The following DMTN variants were observed in gnomAD, a reference collection of about 807,000 sequenced individuals.
The protein encoded by DMTN is dematin.
A neutral mutation model predicts 59.4 loss-of-function variants in DMTN; 27 were observed. The ratio of observed to expected loss-of-function variants is 0.45; its 90% confidence interval spans 0.33 to 0.63. The LOEUF (loss-of-function observed/expected upper bound fraction) is 0.63. Ranked by LOEUF, DMTN falls within the 20% of genes least tolerant of loss-of-function variation. DMTN has a pLI of 0.02. For missense variants in DMTN, 451 were observed against 528.9 expected, an observed-to-expected ratio of 0.85 and a Z score of 1.45; for synonymous variants, 221 against 203.7, an observed-to-expected ratio of 1.08 and a Z score of -0.72.
At chr8:22,065,270 G>A (rs866765007) in intron 1 of DMTN, among the ~76,000 whole-genome samples, 2 of 152,168 alleles carry the variant, frequency 1.3e-5, no homozygotes, top group South Asian at 4.1e-4. Flanking sequence ...CTGACCTCAA[G>A]CCATCCTCTC....
chr8:22,058,220 G>A lies in DMTN; in HGVS notation c.-172+1084G>A, dbSNP rs898877545. Among the ~76,000 whole-genome samples the A allele has an allele frequency of 6.6e-6, 1 of 152,148 alleles. No individual in the cohort carries two copies. Among genetic ancestry groups the A allele is most frequent in the Non-Finnish European group, 1.5e-5 (1 of 68,034 alleles). On this transcript the variant is annotated intron_variant, in intron 1 of 15. Coordinates refer to ENST00000358242, the MANE Select transcript of DMTN (RefSeq NM_001387751.1). The surrounding 1 kb of genome is among the most constrained non-coding windows in gnomAD (Gnocchi z 4.3). Reference sequence around the variant, plus strand: ...CTGTCCATCTTGTGTCCGTGCTGCCGGCCTCTCTGTGGTCAGGCGTTAGAC... The same window carrying A: ...CTGTCCATCTTGTGTCCGTGCTGCCAGCCTCTCTGTGGTCAGGCGTTAGAC...
intron 10 of DMTN, among the ~76,000 whole-genome samples, chr8:22,075,322 T>C (rs1262598768): frequency 1.4e-5 from 2 of 139,330 alleles, no homozygotes; most frequent in Admixed American, 7.1e-5. Context: ...CTCCCCCTTC[T>C]TCTTCTTCTT....
chr8:22,082,151 A>C lies in DMTN; in HGVS notation c.*688A>C, dbSNP rs1432818799. The C allele has an allele frequency of 2.0e-5, 9 of 456,592 alleles. No homozygotes were observed. The highest frequency in any genetic ancestry group is 4.0e-5 in the Non-Finnish European group (9 of 226,908). The allele number at this position is 456,592 out of a possible 1,614,324, so 28.3% of individuals were successfully genotyped here. A position where few individuals can be genotyped will look rare whatever the true frequency, so the allele number is the denominator to read the frequency against. On this transcript the variant is annotated 3_prime_UTR_variant, in exon 16 of 16. Transcript: ENST00000358242. ...CAGGCCACGAAATGGGAATTCCAGC[A>C]CTAAGCCAGGCACCGGGCAGAAGCT...
chr8:22,049,507 C>A (rs1801113492), upstream of DMTN, among the ~76,000 whole-genome samples: 1 of 151,802 alleles, frequency 6.6e-6, no homozygotes. Context: ...GGCCATAAAA[C>A]CCGCCTCTTC....
At chr8:22,078,801 T>TTTTTTTG (rs1554561373) in intron 10 of DMTN, among the ~76,000 whole-genome samples, 2 of 118,264 alleles carry the variant, frequency 1.7e-5, no homozygotes, top group Admixed American at 8.9e-5. Context: ...TCAGACTGTT[T>TTTTTTTG]TTTTTTTTTT....
At position 22,069,021 on chromosome 8, in the gene DMTN, G is replaced by A. The variant is rs1313446273; in HGVS notation, c.255G>A (p.Ser85=). 7 of 1,612,584 alleles carry A rather than the reference G, an allele frequency of 4.3e-6. No homozygotes were observed. The highest frequency in any genetic ancestry group is 2.2e-5 in the East Asian group (1 of 44,726). Reference sequence around the variant, plus strand: ...AGCCCCCTCTCCATTCACAGCGCTCGCTGTCACCCAAATCCACATCCCCCC... The same window carrying A: ...AGCCCCCTCTCCATTCACAGCGCTCACTGTCACCCAAATCCACATCCCCCC... ...HVELPRSRER[S]LSPKSTSPPP... Residue 85 remains serine (S), a synonymous_variant, in exon 5 of 16, where the codon TCG becomes TCA. Coordinates refer to ENST00000358242, the MANE Select transcript of DMTN (RefSeq NM_001387751.1).
Position 22,072,376 on chromosome 8 carries a change from G to T in DMTN, c.655G>T (p.Glu219Ter). 1 of 1,604,100 alleles carries T rather than the reference G, an allele frequency of 6.2e-7. No individual in the cohort carries two copies. The highest frequency in any genetic ancestry group is 8.5e-7 in the Non-Finnish European group (1 of 1,174,844). The change falls in exon 9 of 16, where the codon GAG becomes TAG. Residue 219 changes from glutamate to a stop codon, truncating the protein, a stop_gained. Transcript: ENST00000358242. LOFTEE classifies it high-confidence loss of function. ...GTCTCGGAGGGGAGCAGAGGAAGAGGAGGAGGAGGAAGATGACGACTCTGG... is the reference window on the plus strand; with the variant it reads ...GTCTCGGAGGGGAGCAGAGGAAGAGTAGGAGGAGGAAGATGACGACTCTGG... ...KASRRGAEEEEEEEDDDSGEE... is the reference protein window; with the variant it reads ...KASRRGAEEE
At chr8:22,069,995 C>A (rs575750957) in intron 7 of DMTN, 58 bp downstream of exon 7, 188 of 1,604,836 alleles carry the variant, frequency 1.2e-4, no homozygotes, top group Non-Finnish European at 1.6e-4. Flanking sequence ...GGAGGCCGTG[C>A]CCTGGGGCTG....
chr8:22,057,455 CG>C (rs1324295455), intron 1 of DMTN, among the ~76,000 whole-genome samples: 1 of 151,470 alleles, frequency 6.6e-6, no homozygotes, highest in East Asian at 2.0e-4. Flanking sequence ...TGTGGGGGCA[CG>C]GGGTGGGCAG....
chr8:22,080,315 C>T, intron 11 of DMTN, 71 bp downstream of exon 11: 1 of 1,612,592 alleles, frequency 6.2e-7, no homozygotes, highest in Non-Finnish European at 8.5e-7. Context: ...GGGACTGAGC[C>T]ACTTGGGCAC....
intron 1 of DMTN, among the ~76,000 whole-genome samples, chr8:22,064,607 C>T (rs1240432539): frequency 6.6e-6 from 1 of 152,100 alleles, no homozygotes; most frequent in Non-Finnish European, 1.5e-5. Flanking sequence ...TACAGGCGCC[C>T]GCCACCACGC....
At position 22,081,149 on chromosome 8, in the gene DMTN, G is replaced by T; in HGVS notation, c.1060G>T (p.Gly354Trp). 3.7e-6 allele frequency: 6 copies of T among 1,612,112 alleles called. No homozygotes were observed. Among genetic ancestry groups the T allele is most frequent in the African/African-American group, 1.3e-5 (1 of 74,256 alleles). The change falls in exon 15 of 16, where the codon GGG becomes TGG. Residue 354 changes from glycine (G) to tryptophan (W), a missense_variant. Transcript: ENST00000358242. Reference sequence around the variant, plus strand: ...TGAAATGCTAGTGGTGACCAACAAGGGGCGAACCAAGCTGCCACCGGGGGT... The same window carrying T: ...TGAAATGCTAGTGGTGACCAACAAGTGGCGAACCAAGCTGCCACCGGGGGT... Reference protein sequence around the residue: ...PYEMLVVTNKGRTKLPPGVDR... With the variant: ...PYEMLVVTNKWRTKLPPGVDR...
At chr8:22,069,840 C>G (rs376642132) in intron 6 of DMTN, 41 bp from the exon 7 acceptor site, 1 of 1,606,632 alleles carries the variant, frequency 6.2e-7, no homozygotes, top group African/African-American at 1.3e-5. Flanking sequence ...GCCTCCCTGC[C>G]ATCAGCATGT....
At chr8:22,054,140 C>T (rs1801709080), upstream of DMTN, among the ~76,000 whole-genome samples, 1 of 127,152 alleles carries the variant, frequency 7.9e-6, no homozygotes, top group South Asian at 2.2e-4. Context: ...ACACACACAG[C>T]CCAGATCCCT....
intron 6 of DMTN, 108 bp downstream of exon 6, chr8:22,069,626 G>A (rs12680100): frequency 1 from 1,040,156 of 1,041,334 alleles, 519,491 homozygotes; most frequent in East Asian, 1. Context: ...CTCGCCTCAG[G>A]GCTAAGTAGG....
chr8:22,054,094 C>T (rs1406646077), upstream of DMTN, among the ~76,000 whole-genome samples: 2 of 128,106 alleles, frequency 1.6e-5, no homozygotes, highest in Non-Finnish European at 3.2e-5. Context: ...TCTGAACGCC[C>T]ACCACCAATA....
In DMTN at chr8:22,081,347, T is replaced by C; in HGVS notation, c.1105-3T>C. ...GCTGAGCTGCCCCGATTCCCCCATG[T>C]AGAGGCATCTGTCTGCCGAGGACTT... On this transcript the variant is annotated splice_region_variant and splice_polypyrimidine_tract_variant and intron_variant, in intron 15 of 15. Transcript: ENST00000358242. The C allele has an allele frequency of 6.2e-7, 1 of 1,613,826 alleles. No individual in the cohort carries two copies. Among genetic ancestry groups the C allele is most frequent in the Non-Finnish European group, 8.5e-7 (1 of 1,179,736 alleles).
Position 22,082,488 on chromosome 8 carries a change from G to A in DMTN, c.*1025G>A. On this transcript the variant is annotated 3_prime_UTR_variant, in exon 16 of 16. Coordinates refer to ENST00000358242, the MANE Select transcript of DMTN (RefSeq NM_001387751.1). Reference sequence around the variant, plus strand: ...GTGTGTGACCATGCTGGGGGAGGGGGACTCTGCTTGGAATTAAAAGGTTGC... The same window carrying A: ...GTGTGTGACCATGCTGGGGGAGGGGAACTCTGCTTGGAATTAAAAGGTTGC... 3.3e-6 allele frequency: 1 copy of A among 302,206 alleles called. No homozygotes were observed. Among genetic ancestry groups the A allele is most frequent in the South Asian group, 3.0e-5 (1 of 33,260 alleles). 18.7% of individuals were successfully genotyped at this position (302,206 alleles called of 1,614,324 possible).
chr8:22,066,915 C>T (rs1291927425), intron 2 of DMTN, 22 bp downstream of exon 2: 6 of 1,244,418 alleles, frequency 4.8e-6, no homozygotes, highest in Non-Finnish European at 6.0e-6. Context: ...CGCCCCGGGC[C>T]GGGGCCGCCG....
Sources: gnomAD v4.1 joint callset for allele counts (sites outside exome capture counted in the v4.1 genomes callset) on GRCh38, gnomAD v4.1.1 for gene constraint, Gnocchi (gnomAD v3.1) non-coding constraint, MANE v1.5 for transcripts, NCBI Gene and HGNC (gene_info 2026-07-23, HGNC 2026-07-21) for gene names.